The following GRM8 variants were observed in gnomAD, a reference collection of about 807,000 sequenced individuals.
The protein encoded by GRM8 is glutamate metabotropic receptor 8, also known as metabotropic glutamate receptor 8.
Under a neutral mutation model 87.2 loss-of-function variants are expected in GRM8, and 47 were observed. The ratio of observed to expected loss-of-function variants is 0.54; its 90% CI spans 0.43 to 0.69. The LOEUF is 0.69. Among genes scored for constraint, GRM8 ranks in the 30% least tolerant of loss-of-function variants. The pLI is 0.00. For synonymous variants in GRM8, 396 were observed against 404.5 expected (o/e 0.98, Z 0.25); for missense variants, 1,019 against 1,139.2 (o/e 0.89, Z 1.52).
At chr7:127,077,228 C>A (rs1563482857) in intron 3 of GRM8, among the ~76,000 whole-genome samples, 1 of 152,188 alleles carries the variant, frequency 6.6e-6, no homozygotes, top group Non-Finnish European at 1.5e-5. Flanking sequence ...GGTATTCACT[C>A]TAGCCCTCTC....
chr7:126,951,067 C>T (rs949742996), intron 3 of GRM8, among the ~76,000 whole-genome samples: 1 of 151,922 alleles, frequency 6.6e-6, no homozygotes, highest in Non-Finnish European at 1.5e-5. Flanking sequence ...TACAATAATG[C>T]TGTAAAAAAG....
At chr7:126,859,162 GGTTT>G (rs1163787067) in intron 6 of GRM8, among the ~76,000 whole-genome samples, 1 of 151,336 alleles carries the variant, frequency 6.6e-6, no homozygotes, top group Non-Finnish European at 1.5e-5. Context: ...TCTCCTTGCT[GGTTT>G]GTTTGCTTAC....
In GRM8 at chr7:127,145,814, G is replaced by A. The variant is rs571827934; in HGVS notation, c.511-39102C>T. 3.3e-5 allele frequency among the ~76,000 whole-genome samples: 5 copies of A among 152,120 alleles called. No homozygotes were observed. The South Asian group carries it at 8.3e-4, about 25-fold the overall frequency. Reference sequence around the variant, plus strand: ...ACAGAACAAAAACGCAAATAAGTTTGTCTTTTGTTTTCTATATTGCATGCA... The same window carrying A: ...ACAGAACAAAAACGCAAATAAGTTTATCTTTTGTTTTCTATATTGCATGCA... On this transcript the variant is annotated intron_variant, in intron 2 of 10. Transcript: ENST00000339582.
intron 3 of GRM8, among the ~76,000 whole-genome samples, chr7:127,021,432 T>A (rs1405339925): frequency 6.6e-6 from 1 of 151,994 alleles, no homozygotes; most frequent in Non-Finnish European, 1.5e-5. Context: ...ATTTTTCTAA[T>A]GATAAAAGTG....
chr7:126,787,059 A>G (rs986647898), intron 6 of GRM8, among the ~76,000 whole-genome samples: 4 of 152,180 alleles, frequency 2.6e-5, no homozygotes, highest in Non-Finnish European at 5.9e-5. Flanking sequence ...TTGCTTTTGC[A>G]GTTCTAGATC....
At chr7:126,812,560 C>T (rs1330252420) in intron 6 of GRM8, among the ~76,000 whole-genome samples, 1 of 151,938 alleles carries the variant, frequency 6.6e-6, no homozygotes, top group Admixed American at 6.6e-5. Flanking sequence ...TTATGTGGCC[C>T]ATGACTGCAT....
intron 8 of GRM8, among the ~76,000 whole-genome samples, chr7:126,567,238 T>A (rs980009166): frequency 3.9e-5 from 6 of 152,100 alleles, no homozygotes; most frequent in African/African-American, 1.4e-4. Flanking sequence ...TAAAAAATGA[T>A]GAGTTCATGT....
At chr7:126,587,348 A>G (rs1464857405) in intron 8 of GRM8, among the ~76,000 whole-genome samples, 3 of 152,176 alleles carry the variant, frequency 2.0e-5, no homozygotes, top group Non-Finnish European at 4.4e-5. Flanking sequence ...AAGGATTATA[A>G]ATCATGCTGC....
rs1211496476 is a variant in GRM8, at chr7:126,533,856, T to G, written c.1526A>C (p.His509Pro). The change falls in exon 9 of 11, where the codon CAT becomes CCT. Residue 509 changes from histidine (H) to proline (P), a missense_variant. By Grantham distance (77) the His-to-Pro change is moderately conservative. Transcript: ENST00000339582. ...VEDMQWAHREHTHPASVCSLP... is the reference protein window; with the variant it reads ...VEDMQWAHREPTHPASVCSLP... ...GCTGCAGACAGACGCCGGGTGAGTA[T>G]GTTCTCTATGAGCCCACTGCATGTC... 4 of 1,613,774 alleles carry G rather than the reference T, an allele frequency of 2.5e-6. No individual in the cohort carries two copies. The highest frequency in any genetic ancestry group is 1.3e-5 in the African/African-American group (1 of 74,922).
At chr7:126,984,088 C>T (rs2131881969) in intron 3 of GRM8, among the ~76,000 whole-genome samples, 1 of 152,278 alleles carries the variant, frequency 6.6e-6, no homozygotes, top group Admixed American at 6.5e-5. Flanking sequence ...GACTTCATAT[C>T]CATATCAGTA....
intron 2 of GRM8, among the ~76,000 whole-genome samples, chr7:127,200,630 G>C (rs1347409411): frequency 6.6e-6 from 1 of 152,110 alleles, no homozygotes; most frequent in Non-Finnish European, 1.5e-5. Flanking sequence ...ACCCTTCCTT[G>C]CCTCCTCCAG....
At chr7:126,778,123 C>T (rs1172861169) in intron 6 of GRM8, among the ~76,000 whole-genome samples, 1 of 152,110 alleles carries the variant, frequency 6.6e-6, no homozygotes, top group Non-Finnish European at 1.5e-5. Flanking sequence ...GTAATTTGAG[C>T]CACTACCTTA....
chr7:126,807,471 C>A (rs940312149), intron 6 of GRM8, among the ~76,000 whole-genome samples: 6 of 152,110 alleles, frequency 3.9e-5, no homozygotes, highest in Non-Finnish European at 8.8e-5. Flanking sequence ...CTAGGCTAAC[C>A]CTCGGTTTGA....
intron 8 of GRM8, among the ~76,000 whole-genome samples, chr7:126,555,590 T>G (rs1287450171): frequency 1.3e-5 from 2 of 152,262 alleles, no homozygotes; most frequent in African/African-American, 4.8e-5. Flanking sequence ...TGTTTATAAT[T>G]GTTCTTATAT....
intron 8 of GRM8, among the ~76,000 whole-genome samples, chr7:126,549,339 G>C (rs1386186935): frequency 1.3e-5 from 2 of 151,922 alleles, no homozygotes; most frequent in Admixed American, 1.3e-4. Context: ...CAAAACATAA[G>C]ATTATTTTGG....
intron 3 of GRM8, among the ~76,000 whole-genome samples, chr7:126,934,711 G>A (rs994565581): frequency 2.0e-5 from 3 of 152,150 alleles, no homozygotes; most frequent in Non-Finnish European, 4.4e-5. Context: ...AGCTTTCTGA[G>A]AGAGTCTTTG....
intron 7 of GRM8, among the ~76,000 whole-genome samples, chr7:126,613,606 G>A (rs1799147500): frequency 6.6e-6 from 1 of 152,214 alleles, no homozygotes. Flanking sequence ...AGTGCAAGGG[G>A]TCAGGGAATT....
chr7:126,771,949 G>A (rs932310600), intron 6 of GRM8, among the ~76,000 whole-genome samples: 7 of 151,998 alleles, frequency 4.6e-5, no homozygotes, highest in Admixed American at 2.0e-4. Flanking sequence ...CTATCCCTAG[G>A]TTATACTTTT....
intron 3 of GRM8, among the ~76,000 whole-genome samples, chr7:126,978,040 AT>A (rs1811183425): frequency 6.6e-6 from 1 of 152,222 alleles, no homozygotes; most frequent in African/African-American, 2.4e-5. Flanking sequence ...CAGAATGGAG[AT>A]GTGGCATAGT....
Sources: gnomAD v4.1 joint callset for allele counts (sites outside exome capture counted in the v4.1 genomes callset) on GRCh38, gnomAD v4.1.1 for gene constraint, MANE v1.5 for transcripts, NCBI Gene and HGNC (gene_info 2026-07-23, HGNC 2026-07-21) for gene names.